ZNF454: variants seen among roughly 807,000 people sequenced by gnomAD.
The protein encoded by ZNF454 is zinc finger protein 454.
ZNF454 carries 30 observed loss-of-function variants against 48.2 expected under a neutral mutation model. That is an observed-to-expected ratio of 0.62 (90% CI 0.47 to 0.84). The LOEUF is 0.84. Ranked by LOEUF, ZNF454 falls within the 40% of genes least tolerant of loss-of-function variation. The pLI, the probability that ZNF454 is intolerant of heterozygous loss-of-function variation, is 0.00. For synonymous variants in ZNF454, 204 were observed against 211.4 expected (o/e 0.97, Z 0.30); for missense variants, 510 against 623.1 (o/e 0.82, Z 1.93).
the ZNF454 span, chr5:178,975,664 T>C: frequency 2.5e-6 from 1 of 405,524 alleles, no homozygotes; most frequent in South Asian, 1.7e-5. Context: ...GGCCTTGGCC[T>C]ACAGGGCCAC....
At position 178,965,343 on chromosome 5, in the gene ZNF454, A is replaced by C; in HGVS notation, c.939A>C (p.Ala313=). Residue 313 remains alanine, a synonymous_variant, in exon 5 of 5, where the codon GCA becomes GCC. Coordinates refer to ENST00000519564, the MANE Select transcript of ZNF454 (RefSeq NM_001178089.3). This position sits in a 1 kb window ranked among gnomAD's most constrained non-coding sequence, Gnocchi z 5.2. ...NICEKAFVCR[A]HLTKHQNIHS... is the part of the protein sequence containing the mutation. ...GTGAAAAAGCCTTTGTGTGCAGGGC[A>C]CACCTTACCAAACACCAGAATATCC... 1.2e-6 allele frequency: 2 copies of C among 1,614,226 alleles called. No homozygotes were observed. The highest frequency in any genetic ancestry group is 4.5e-5 in the East Asian group (2 of 44,882).
the ZNF454 span, among the ~76,000 whole-genome samples, chr5:178,973,716 G>A: frequency 7.2e-5 from 11 of 152,062 alleles, no homozygotes; most frequent in Admixed American, 6.6e-4. Context: ...GGTGGCGGGC[G>A]CCTGTAGTCC....
chr5:178,976,937 T>C, the ZNF454 span, among the ~76,000 whole-genome samples: 1 of 152,188 alleles, frequency 6.6e-6, no homozygotes, highest in Admixed American at 6.5e-5. Context: ...CAGTGCACAG[T>C]GCCTGGGGCC....
chr5:178,985,712 AAACAAAAC>A, the ZNF454 span: 3 of 414,490 alleles, frequency 7.2e-6, no homozygotes, highest in Non-Finnish European at 1.4e-5. Context: ...AAAAAAAAAA[AAACAAAAC>A]AACACAGGAA....
chr5:178,943,296 G>C (rs1759183989), intron 2 of ZNF454, among the ~76,000 whole-genome samples: 1 of 152,180 alleles, frequency 6.6e-6, no homozygotes, highest in Admixed American at 6.5e-5. Context: ...GAAGGTGAAG[G>C]GGGAGCAGGT....
the ZNF454 span, among the ~76,000 whole-genome samples, chr5:178,987,958 C>T: frequency 2.0e-5 from 3 of 149,918 alleles, no homozygotes; most frequent in African/African-American, 7.4e-5. Flanking sequence ...TGGGGTTTCA[C>T]CATGTTGGCC....
rs754196771 is a variant in ZNF454, at chr5:178,964,674, C to T, written c.270C>T (p.Ala90=). The T allele has an allele frequency of 6.2e-7, 1 of 1,612,888 alleles. No individual in the cohort carries two copies. Among genetic ancestry groups the T allele is most frequent in the South Asian group, 1.1e-5 (1 of 91,038 alleles). ...GFCLDWMTMP[A]SKKSTVKAEI... ...TTTCAGACTGGATGACTATGCCTGC[C>T]AGTAAGAAATCTACTGTCAAGGCAG... The change falls in exon 5 of 5, where the codon GCC becomes GCT. Residue 90 remains alanine, a synonymous_variant. Coordinates refer to ENST00000519564, the MANE Select transcript of ZNF454 (RefSeq NM_001178089.3).
the ZNF454 span, chr5:178,986,778 G>C: frequency 6.2e-7 from 1 of 1,610,680 alleles, no homozygotes; most frequent in Non-Finnish European, 8.5e-7. Flanking sequence ...ACACAGGCTG[G>C]GGCGTCTGCC....
chr5:178,965,094 C>T lies in ZNF454; in HGVS notation c.690C>T (p.His230=). ...ECGKAFHQST[H]LIHHQRIHTG... is the part of the protein sequence containing the mutation. ...GGAAAGCCTTTCACCAGAGTACGCACCTTATCCATCACCAAAGAATTCACA... is the reference window on the plus strand; with the variant it reads ...GGAAAGCCTTTCACCAGAGTACGCATCTTATCCATCACCAAAGAATTCACA... Residue 230 remains histidine (H), a synonymous_variant, in exon 5 of 5, where the codon CAC becomes CAT. Coordinates refer to ENST00000519564, the MANE Select transcript of ZNF454 (RefSeq NM_001178089.3). The surrounding 1 kb of genome is among the most constrained non-coding windows in gnomAD (Gnocchi z 5.2). The T allele has an allele frequency of 6.2e-7, 1 of 1,614,150 alleles. No individual in the cohort carries two copies. Among genetic ancestry groups the T allele is most frequent in the Non-Finnish European group, 8.5e-7 (1 of 1,180,032 alleles).
intron 4 of ZNF454, among the ~76,000 whole-genome samples, chr5:178,957,147 G>T (rs1759801054): frequency 6.6e-6 from 1 of 152,112 alleles, no homozygotes; most frequent in Non-Finnish European, 1.5e-5. Flanking sequence ...CTCCCAAAGT[G>T]CTGGGATTAC....
At chr5:178,970,377 A>T (rs1760219967), downstream of ZNF454, among the ~76,000 whole-genome samples, 1 of 151,808 alleles carries the variant, frequency 6.6e-6, no homozygotes, top group Non-Finnish European at 1.5e-5. Flanking sequence ...TGGCAATTTA[A>T]ATATTTTTGT....
Position 178,944,071 on chromosome 5 carries a change from A to G in ZNF454, c.33+1247A>G, listed in dbSNP as rs1432818881. On this transcript the variant is annotated intron_variant, in intron 2 of 4. Coordinates refer to ENST00000519564, the MANE Select transcript of ZNF454 (RefSeq NM_001178089.3). This position sits in a 1 kb window ranked among gnomAD's most constrained non-coding sequence, Gnocchi z 4.1. ...GAATATGGACTGTGCTTTGAAGGAG[A>G]CAGCATTCATTTGGGCATATACATT... is the stretch of plus-strand genomic sequence containing the variant. Among the ~76,000 whole-genome samples the G allele has an allele frequency of 6.6e-6, 1 of 152,190 alleles. No individual in the cohort carries two copies. Among genetic ancestry groups the G allele is most frequent in the Admixed American group, 6.5e-5 (1 of 15,272 alleles).
At chr5:178,961,422 C>A (rs1330289409) in intron 4 of ZNF454, among the ~76,000 whole-genome samples, 1 of 151,518 alleles carries the variant, frequency 6.6e-6, no homozygotes, top group Non-Finnish European at 1.5e-5. Context: ...ACCTTCTTTA[C>A]TTAGTCTTTT....
In ZNF454 at chr5:178,965,001, T is replaced by G. The variant is rs200054253; in HGVS notation, c.597T>G (p.Ile199Met). Reference protein sequence around the residue: ...KSSTLNKHQKIHNEKNANQKI... With the variant: ...KSSTLNKHQKMHNEKNANQKI... ...CAACTCTTAATAAACATCAGAAAATTCATAATGAAAAAAATGCAAATCAGA... is the reference window on the plus strand; with the variant it reads ...CAACTCTTAATAAACATCAGAAAATGCATAATGAAAAAAATGCAAATCAGA... Residue 199 changes from isoleucine (I) to methionine (M), a missense_variant, in exon 5 of 5, where the codon ATT (isoleucine) becomes ATG (methionine). By Grantham distance (10) the Ile-to-Met change is conservative. Transcript: ENST00000519564. The surrounding 1 kb of genome is among the most constrained non-coding windows in gnomAD (Gnocchi z 5.2). 2.5e-6 allele frequency: 4 copies of G among 1,614,004 alleles called. No individual in the cohort carries two copies. The East Asian group carries it at 8.9e-5, about 36-fold the overall frequency.
chr5:178,946,566 C>A lies in ZNF454; in HGVS notation c.160+81C>A. ...TTACATTGACACCATATAGAAGAGTCGGTTGGACCAACTGAGGACGCTGTC... is the reference window on the plus strand; with the variant it reads ...TTACATTGACACCATATAGAAGAGTAGGTTGGACCAACTGAGGACGCTGTC... On this transcript the variant is annotated intron_variant, in intron 3 of 4. Transcript: ENST00000519564. This position sits in a 1 kb window ranked among gnomAD's most constrained non-coding sequence, Gnocchi z 4.5. The A allele has an allele frequency of 6.6e-7, 1 of 1,505,852 alleles. No homozygotes were observed. Among genetic ancestry groups the A allele is most frequent in the South Asian group, 1.4e-5 (1 of 72,456 alleles). 93.3% of individuals were successfully genotyped at this position (1,505,852 alleles called of 1,614,324 possible).
chr5:178,948,823 T>C (rs995778191), intron 4 of ZNF454, among the ~76,000 whole-genome samples: 12 of 149,054 alleles, frequency 8.1e-5, no homozygotes, highest in African/African-American at 2.4e-4. Flanking sequence ...ATATAAATTA[T>C]TCTATGAATT....
intron 2 of ZNF454, among the ~76,000 whole-genome samples, chr5:178,945,712 GGT>G (rs1366898726): frequency 1.3e-5 from 2 of 151,008 alleles, no homozygotes; most frequent in Non-Finnish European, 3.0e-5. Context: ...TGTGGGTATG[GGT>G]GTGTGTGTGT....
chr5:178,957,218 C>T (rs192600114), intron 4 of ZNF454, among the ~76,000 whole-genome samples: 16 of 152,100 alleles, frequency 1.1e-4, no homozygotes, highest in African/African-American at 3.9e-4. Context: ...ACTTCCACTT[C>T]GAGATAAAAT....
At chr5:178,978,482 A>G in the ZNF454 span, 1 of 152,258 alleles carries the variant, frequency 6.6e-6, no homozygotes, top group Non-Finnish European at 1.5e-5. Flanking sequence ...AATGTGTCAG[A>G]AGATTCACAC....
Sources: gnomAD v4.1 joint callset for allele counts (sites outside exome capture counted in the v4.1 genomes callset) on GRCh38, gnomAD v4.1.1 for gene constraint, Gnocchi (gnomAD v3.1) non-coding constraint, MANE v1.5 for transcripts, NCBI Gene and HGNC (gene_info 2026-07-23, HGNC 2026-07-21) for gene names.